SORCS2: variants seen among roughly 807,000 people sequenced by gnomAD.
The protein encoded by SORCS2 is sortilin related VPS10 domain containing receptor 2.
In SORCS2, 100 loss-of-function variants were observed where a neutral mutation model predicts 141.6. The ratio of observed to expected loss-of-function variants is 0.71; its 90% CI spans 0.60 to 0.83. The LOEUF is 0.83. SORCS2 is among the 40% of genes least tolerant of loss of function. The probability of loss-of-function intolerance (pLI) is 0.00; values close to 1 mark genes in which losing one functional copy is unlikely to be tolerated. For synonymous variants in SORCS2, 789 were observed against 676.9 expected, an observed-to-expected ratio of 1.17 and a Z score of -2.57; for missense variants, 1,646 against 1,560.2, an observed-to-expected ratio of 1.05 and a Z score of -0.93.
chr4:7,649,537 G>T (rs746571281), intron 4 of SORCS2, among the ~76,000 whole-genome samples: 4 of 152,128 alleles, frequency 2.6e-5, no homozygotes, highest in Non-Finnish European at 2.9e-5. Flanking sequence ...GGAGAGGGGT[G>T]CAGTGTGCAG....
intron 2 of SORCS2, among the ~76,000 whole-genome samples, chr4:7,508,733 G>C (rs1053676967): frequency 2.0e-5 from 3 of 152,202 alleles, no homozygotes; most frequent in African/African-American, 7.2e-5. Flanking sequence ...TAAAGCCACA[G>C]ATCTATTTTT....
At chr4:7,384,331 C>T (rs1165133689) in intron 1 of SORCS2, among the ~76,000 whole-genome samples, 3 of 152,292 alleles carry the variant, frequency 2.0e-5, no homozygotes, top group Middle Eastern at 3.4e-3. Context: ...GCTCAGCATG[C>T]GGCTCAGGAC....
intron 1 of SORCS2, among the ~76,000 whole-genome samples, chr4:7,380,770 T>A (rs571664619): frequency 6.6e-6 from 1 of 152,254 alleles, no homozygotes; most frequent in Admixed American, 6.5e-5. Flanking sequence ...GGCCGTGATG[T>A]GAAATTTGCT....
At chr4:7,318,051 A>G (rs929076874) in intron 1 of SORCS2, among the ~76,000 whole-genome samples, 2 of 152,354 alleles carry the variant, frequency 1.3e-5, no homozygotes, top group African/African-American at 4.8e-5. Context: ...CAGGGCAGAC[A>G]GTCGCGTATC....
At chr4:7,281,851 C>G (rs1715907806) in intron 1 of SORCS2, among the ~76,000 whole-genome samples, 1 of 152,204 alleles carries the variant, frequency 6.6e-6, no homozygotes, top group African/African-American at 2.4e-5. Context: ...TGGGTTCCTT[C>G]TTATTCCTTT....
intron 1 of SORCS2, among the ~76,000 whole-genome samples, chr4:7,280,089 T>C (rs1379955457): frequency 6.6e-6 from 1 of 152,192 alleles, no homozygotes; most frequent in African/African-American, 2.4e-5. Flanking sequence ...AGTCTGGAAT[T>C]CAGGCCTCTC....
chr4:7,324,926 C>T (rs925950358), intron 1 of SORCS2, among the ~76,000 whole-genome samples: 2 of 152,208 alleles, frequency 1.3e-5, no homozygotes, highest in African/African-American at 2.4e-5. Context: ...CAGAAGCTGG[C>T]GGCAGCTCCT....
chr4:7,434,872 C>T, intron 2 of SORCS2: 2 of 1,567,684 alleles, frequency 1.3e-6, no homozygotes, highest in Non-Finnish European at 1.7e-6. Flanking sequence ...GAGCAGGGCA[C>T]ACAGCATGCT....
At chr4:7,464,428 C>T (rs1407976245) in intron 2 of SORCS2, among the ~76,000 whole-genome samples, 3 of 152,152 alleles carry the variant, frequency 2.0e-5, no homozygotes, top group African/African-American at 7.2e-5. Context: ...AAAAGGGAGC[C>T]GCAGCCTGTG....
At chr4:7,238,011 G>C (rs1712407200) in intron 1 of SORCS2, among the ~76,000 whole-genome samples, 1 of 152,168 alleles carries the variant, frequency 6.6e-6, no homozygotes, top group Non-Finnish European at 1.5e-5. Flanking sequence ...GGGTGCTGTT[G>C]GATGGCTGTC....
chr4:7,470,348 C>T (rs1729896753), intron 2 of SORCS2, among the ~76,000 whole-genome samples: 1 of 151,608 alleles, frequency 6.6e-6, no homozygotes, highest in Non-Finnish European at 1.5e-5. Context: ...CATCCTCTCA[C>T]TTATCGATCC....
intron 14 of SORCS2, among the ~76,000 whole-genome samples, chr4:7,704,938 C>T (rs968665748): frequency 2.0e-5 from 3 of 152,168 alleles, no homozygotes; most frequent in East Asian, 1.9e-4. Flanking sequence ...CCTGCGACCC[C>T]GCGCTGTGGC....
chr4:7,737,614 G>A (rs940232909), intron 26 of SORCS2, among the ~76,000 whole-genome samples: 6 of 152,170 alleles, frequency 3.9e-5, no homozygotes, highest in South Asian at 2.1e-4. Context: ...ATGGACCTGC[G>A]GCACTGCACT....
intron 1 of SORCS2, among the ~76,000 whole-genome samples, chr4:7,245,640 C>T (rs780224384): frequency 3.3e-5 from 5 of 152,222 alleles, no homozygotes; most frequent in Non-Finnish European, 5.9e-5. Context: ...GCGAGAGTGT[C>T]AGCCATTGCT....
intron 1 of SORCS2, among the ~76,000 whole-genome samples, chr4:7,281,361 T>A (rs57072388): frequency 0.33 from 50,132 of 151,914 alleles, 9,183 homozygotes; most frequent in African/African-American, 0.5. Flanking sequence ...CCGTAGCCCC[T>A]TCATTCGGGG....
intron 3 of SORCS2, among the ~76,000 whole-genome samples, chr4:7,616,405 ATCCATCCATCCATCCACTTATCC>A (rs1476603016): frequency 6.6e-6 from 1 of 151,128 alleles, no homozygotes; most frequent in Non-Finnish European, 1.5e-5. Context: ...TAATCCATCT[ATCCATCCATCCATCCACTTATCC>A]TCCATCCATC....
chr4:7,443,807 G>A (rs1055723089), intron 2 of SORCS2, among the ~76,000 whole-genome samples: 3 of 152,244 alleles, frequency 2.0e-5, no homozygotes, highest in East Asian at 1.9e-4. Context: ...TGGCCTCCTC[G>A]TTCCTGAGTC....
At chr4:7,740,083 G>A (rs767965723) in intron 26 of SORCS2, 117 bp from the exon 27 acceptor site, 2 of 797,394 alleles carry the variant, frequency 2.5e-6, no homozygotes, top group Non-Finnish European at 4.2e-6. Context: ...AGGAAGCCAG[G>A]GAGGCCCACT....
chr4:7,334,587 G>C (rs1719873033), intron 1 of SORCS2, among the ~76,000 whole-genome samples: 1 of 152,198 alleles, frequency 6.6e-6, no homozygotes, highest in Non-Finnish European at 1.5e-5. Flanking sequence ...GCAGACAGTA[G>C]GGTCACCTGG....
Sources: allele counts gnomAD v4.1 joint callset (sites outside exome capture counted in the v4.1 genomes callset), GRCh38; gene constraint gnomAD v4.1.1; transcripts MANE v1.5; gene names NCBI Gene and HGNC (gene_info 2026-07-23, HGNC 2026-07-21).